The following GIP variants were observed in gnomAD, a reference collection of about 807,000 sequenced individuals.
GIP encodes the protein gastric inhibitory polypeptide.
GIP carries 16 observed loss-of-function variants against 18.1 expected under a neutral mutation model. The observed-to-expected ratio is 0.88, with a 90% CI of 0.60 to 1.34. The LOEUF (loss-of-function observed/expected upper bound fraction) is 1.34, where lower values mean the gene tolerates loss of function less well. Among genes scored for constraint, GIP ranks in the 40% most tolerant of loss-of-function variants. The pLI is 0.00. For synonymous variants in GIP, 76 were observed against 74.0 expected, an observed-to-expected ratio of 1.03 and a Z score of -0.14; for missense variants, 192 against 183.4, an observed-to-expected ratio of 1.05 and a Z score of -0.27.
chr17:48,959,003 C>T (rs1018010847), intron 5 of GIP, among the ~76,000 whole-genome samples: 3 of 151,756 alleles, frequency 2.0e-5, no homozygotes, highest in Non-Finnish European at 4.4e-5. Flanking sequence ...TACAGGCGCC[C>T]GCCTCCACGC....
Position 48,967,208 on chromosome 17 carries a change from G to C in GIP, c.25C>G (p.Leu9Val), listed in dbSNP as rs200595524. The change falls in exon 2 of 6, where the codon CTG (leucine) becomes GTG (valine). Residue 9 changes from leucine (L) to valine (V), a missense_variant. Coordinates refer to ENST00000357424, the MANE Select transcript of GIP (RefSeq NM_004123.3). MVATKTFA[L>V]LLLSLFLAVG... is the part of the protein sequence containing the mutation. ...GCCAGGAACAGGGACAGCAGCAGCA[G>C]AGCAAAGGTCTTCGTGGCCACCATC... 4 of 1,613,984 alleles carry C rather than the reference G, an allele frequency of 2.5e-6. No individual in the cohort carries two copies. The East Asian group carries it at 8.9e-5, about 36-fold the overall frequency.
intron 5 of GIP, 35 bp downstream of exon 5, chr17:48,960,849 CAA>C (rs1197642062): frequency 3.9e-6 from 5 of 1,284,234 alleles, no homozygotes; most frequent in Non-Finnish European, 5.6e-6. Flanking sequence ...TGCCCAAGCT[CAA>C]GTTAGAACCG....
intron 2 of GIP, among the ~76,000 whole-genome samples, chr17:48,965,392 C>A (rs1466736304): frequency 6.7e-6 from 1 of 149,686 alleles, no homozygotes; most frequent in Non-Finnish European, 1.5e-5. Context: ...ATCACAAAGT[C>A]AGGAGATTGA....
chr17:48,964,585 C>A, intron 2 of GIP, 105 bp from the exon 3 acceptor site: 3 of 976,390 alleles, frequency 3.1e-6, no homozygotes, highest in Non-Finnish European at 4.6e-6. Context: ...ACAAACCAGT[C>A]CGTTTTTATG....
intron 5 of GIP, 106 bp from the exon 6 acceptor site, chr17:48,958,822 C>A: frequency 2.8e-6 from 2 of 709,008 alleles, no homozygotes; most frequent in Non-Finnish European, 4.8e-6. Flanking sequence ...ACCTTCAAAT[C>A]ACCTTTTTAA....
chr17:48,964,535 G>T lies in GIP; in HGVS notation c.87-55C>A, dbSNP rs1262596112. On this transcript the variant is annotated intron_variant, in intron 2 of 5. Coordinates refer to ENST00000357424, the MANE Select transcript of GIP (RefSeq NM_004123.3). ...AGATGGGGGGAGAATCACAATGCTAGGGTAAATGACTGTCACTAACAGGAG... is the reference window on the plus strand; with the variant it reads ...AGATGGGGGGAGAATCACAATGCTATGGTAAATGACTGTCACTAACAGGAG... 5 of 1,478,730 alleles carry T rather than the reference G, an allele frequency of 3.4e-6. No homozygotes were observed. In the African/African-American group the frequency reaches 6.9e-5, roughly 20 times the overall value. The allele number at this position is 1,478,730 out of a possible 1,614,324, so 91.6% of individuals were successfully genotyped here.
At chr17:48,964,534 A>G (rs1173220532) in intron 2 of GIP, 54 bp from the exon 3 acceptor site, 2 of 1,478,472 alleles carry the variant, frequency 1.4e-6, no homozygotes, top group Non-Finnish European at 1.9e-6. Flanking sequence ...TCACAATGCT[A>G]GGGTAAATGA....
At chr17:48,962,628 AAGTGCTGGGATT>A (rs2041206896) in intron 3 of GIP, among the ~76,000 whole-genome samples, 1 of 151,840 alleles carries the variant, frequency 6.6e-6, no homozygotes, top group Non-Finnish European at 1.5e-5. Context: ...CAGCCTCCCA[AAGTGCTGGGATT>A]ACAGGTGTGA....
intron 3 of GIP, among the ~76,000 whole-genome samples, chr17:48,964,007 A>C (rs1462483140): frequency 6.6e-6 from 1 of 150,664 alleles, no homozygotes; most frequent in Non-Finnish European, 1.5e-5. Context: ...AAAAAAAAAA[A>C]AAATTAGCCG....
intron 3 of GIP, among the ~76,000 whole-genome samples, chr17:48,963,803 TG>T (rs1445322738): frequency 2.5e-5 from 3 of 119,354 alleles, no homozygotes; most frequent in Non-Finnish European, 4.8e-5. Flanking sequence ...ATTGCGCCAT[TG>T]CACTCCAGCC....
rs60257330 is a variant in GIP, at chr17:48,963,841, C to CAAAAAAAAA, written c.257+460_257+468dup. Among the ~76,000 whole-genome samples the CAAAAAAAAA allele has an allele frequency of 7.8e-3, 280 of 35,788 alleles. 31 individuals carry two copies. The highest frequency in any genetic ancestry group is 0.05 in the Middle Eastern group (1 of 20). 23.5% of individuals were successfully genotyped at this position (35,788 alleles called of 152,430 possible). ...GGGCAACAAGAGCAAAACTCTGTCT[C>CAAAAAAAAA]AAAAAAAAAAAAAAAAAAAAAAGAG... On this transcript the variant is annotated intron_variant, in intron 3 of 5. Transcript: ENST00000357424.
intron 3 of GIP, 63 bp downstream of exon 3, chr17:48,964,247 C>T: frequency 1.5e-6 from 2 of 1,352,114 alleles, no homozygotes; most frequent in Non-Finnish European, 2.1e-6. Context: ...CCGGTGGCCT[C>T]CTCTGAAGGT....
Position 48,964,479 on chromosome 17 carries a change from C to G in GIP, c.88G>C (p.Ala30Pro), listed in dbSNP as rs1478568858. Residue 30 changes from alanine (A) to proline (P), a missense_variant and splice_region_variant, in exon 3 of 6, where the codon GCT becomes CCT. Transcript: ENST00000357424. ...LGEKKEGHFS[A>P]LPSLPVGSHA... ...GATCCAACAGGCAGGGAGGGGAGAG[C>G]GCTGGAAACAAGGGTGCGGAGAAGG... 1 of 1,613,372 alleles carries G rather than the reference C, an allele frequency of 6.2e-7. No individual in the cohort carries two copies. Among genetic ancestry groups the G allele is most frequent in the African/African-American group, 1.3e-5 (1 of 74,998 alleles).
intron 2 of GIP, among the ~76,000 whole-genome samples, chr17:48,966,581 A>G (rs1184154620): frequency 4.6e-5 from 7 of 151,818 alleles, no homozygotes; most frequent in African/African-American, 7.3e-5. Context: ...GAAAAAGAAA[A>G]GAATAGAAAA....
In GIP at chr17:48,964,315, C is replaced by T; in HGVS notation, c.252G>A (p.Lys84=). ...VNWLLAQKGK[K]NDWKHNITQR... is the part of the protein sequence containing the mutation. ...GAGTGTAAGCAGCGACTCACTCATT[C>T]TTCTTCCCCTTTTGGGCCAGCAGCC... The change falls in exon 3 of 6, where the codon AAG becomes AAA. Residue 84 remains lysine, a synonymous_variant. Coordinates refer to ENST00000357424, the MANE Select transcript of GIP (RefSeq NM_004123.3). The T allele has an allele frequency of 6.2e-7, 1 of 1,613,336 alleles. No individual in the cohort carries two copies. Among genetic ancestry groups the T allele is most frequent in the Non-Finnish European group, 8.5e-7 (1 of 1,179,382 alleles).
chr17:48,960,881 C>T lies in GIP; in HGVS notation c.452+5G>A, dbSNP rs2041196895. 18 of 1,559,542 alleles carry T rather than the reference C, an allele frequency of 1.2e-5. No individual in the cohort carries two copies. The highest frequency in any genetic ancestry group is 1.5e-5 in the Non-Finnish European group (17 of 1,141,736). ...GAACCGCTGTGCAACACCACACTCC[C>T]CTACCTGAGCCTGCAGAGGTTTGTC... On this transcript the variant is annotated splice_donor_5th_base_variant and intron_variant, in intron 5 of 5. Transcript: ENST00000357424.
intron 2 of GIP, 63 bp from the exon 3 acceptor site, chr17:48,964,543 G>T: frequency 2.1e-6 from 3 of 1,406,532 alleles, no homozygotes; most frequent in South Asian, 2.4e-5. Context: ...TAGGGTAAAT[G>T]ACTGTCACTA....
chr17:48,966,293 T>C (rs2041235595), intron 2 of GIP, among the ~76,000 whole-genome samples: 1 of 144,636 alleles, frequency 6.9e-6, no homozygotes, highest in African/African-American at 2.6e-5. Context: ...AGGGATTACA[T>C]GCCTTCAATC....
intron 1 of GIP, among the ~76,000 whole-genome samples, chr17:48,968,178 G>A (rs181036197): frequency 3.0e-4 from 45 of 151,986 alleles, no homozygotes; most frequent in African/African-American, 1.0e-3. Flanking sequence ...CTGCAGCCTC[G>A]ACCTCCTGGG....
Sources: gnomAD v4.1 joint callset for allele counts (sites outside exome capture counted in the v4.1 genomes callset) on GRCh38, gnomAD v4.1.1 for gene constraint, MANE v1.5 for transcripts, NCBI Gene and HGNC (gene_info 2026-07-23, HGNC 2026-07-21) for gene names.